UNC13C: variants seen among roughly 807,000 people sequenced by gnomAD.
UNC13C encodes the protein protein unc-13 homolog C.
UNC13C carries 174 observed loss-of-function variants against 245.4 expected under a neutral mutation model. The ratio of observed to expected loss-of-function variants is 0.71; its 90% CI spans 0.63 to 0.80. The LOEUF (loss-of-function observed/expected upper bound fraction) is 0.80. Ranked by LOEUF, UNC13C falls within the 30% of genes least tolerant of loss-of-function variation. The probability of loss-of-function intolerance (pLI) is 0.00; values close to 1 mark genes in which losing one functional copy is unlikely to be tolerated. For missense variants in UNC13C, 2,829 were observed against 2,602.9 expected, an observed-to-expected ratio of 1.09 and a Z score of -1.89; for synonymous variants, 992 against 895.1, an observed-to-expected ratio of 1.11 and a Z score of -1.93.
At chr15:53,873,402 G>A in the UNC13C span, among the ~76,000 whole-genome samples, 1 of 152,192 alleles carries the variant, frequency 6.6e-6, no homozygotes, top group African/African-American at 2.4e-5. Context: ...TCGCAAGATC[G>A]CTCAACTTGC....
intron 4 of UNC13C, among the ~76,000 whole-genome samples, chr15:54,165,358 A>C (rs2033127080): frequency 6.6e-6 from 1 of 152,306 alleles, no homozygotes; most frequent in Middle Eastern, 3.4e-3. Context: ...AACTGTTATA[A>C]GCGCTATGTG....
chr15:54,214,172 T>C (rs2034969398), intron 4 of UNC13C, among the ~76,000 whole-genome samples: 1 of 151,940 alleles, frequency 6.6e-6, no homozygotes, highest in Non-Finnish European at 1.5e-5. Context: ...TTCCATAATT[T>C]CTTTTAAAAT....
At chr15:54,181,859 G>A (rs936528339) in intron 4 of UNC13C, among the ~76,000 whole-genome samples, 10 of 151,876 alleles carry the variant, frequency 6.6e-5, no homozygotes. Flanking sequence ...GTATAGAAAT[G>A]CTACTATTTT....
intron 25 of UNC13C, among the ~76,000 whole-genome samples, chr15:54,528,440 G>A (rs1895586124): frequency 6.6e-6 from 1 of 151,798 alleles, no homozygotes; most frequent in African/African-American, 2.4e-5. Flanking sequence ...CTCCTTGGGT[G>A]CTCCGAAAAT....
upstream of UNC13C, among the ~76,000 whole-genome samples, chr15:53,976,477 C>CTTTTTTTTTTTTTTTT (rs10682648): frequency 9.2e-3 from 581 of 62,886 alleles, 91 homozygotes; most frequent in Non-Finnish European, 0.013. Flanking sequence ...CTCTCTCTCT[C>CTTTTTTTTTTTTTTTT]TTTTTTTTTT....
chr15:53,940,006 G>A, the UNC13C span, among the ~76,000 whole-genome samples: 21 of 152,090 alleles, frequency 1.4e-4, no homozygotes, highest in African/African-American at 4.8e-4. Flanking sequence ...GCAGCTAGAT[G>A]AAGGAACTTA....
the UNC13C span, among the ~76,000 whole-genome samples, chr15:53,841,603 A>G: frequency 1.3e-5 from 2 of 152,210 alleles, no homozygotes; most frequent in Non-Finnish European, 2.9e-5. Flanking sequence ...TTTTGAAGAA[A>G]TTATGGCATA....
At chr15:54,421,432 C>T (rs952415756) in intron 19 of UNC13C, among the ~76,000 whole-genome samples, 1 of 152,008 alleles carries the variant, frequency 6.6e-6, no homozygotes, top group African/African-American at 2.4e-5. Context: ...CCATGGACCC[C>T]AGGTTCAAAA....
intron 4 of UNC13C, among the ~76,000 whole-genome samples, chr15:54,219,047 C>T (rs920792749): frequency 3.3e-5 from 5 of 150,182 alleles, no homozygotes; most frequent in East Asian, 1.9e-4. Context: ...AGATTCAATG[C>T]CATCCCCATC....
At chr15:53,941,179 A>T in the UNC13C span, among the ~76,000 whole-genome samples, 1 of 152,166 alleles carries the variant, frequency 6.6e-6, no homozygotes, top group Non-Finnish European at 1.5e-5. Context: ...ATCTTTGACA[A>T]ACCTGGCAAA....
chr15:54,214,343 C>CT (rs2140759504), intron 4 of UNC13C, among the ~76,000 whole-genome samples: 1 of 151,932 alleles, frequency 6.6e-6, no homozygotes, highest in East Asian at 1.9e-4. Flanking sequence ...TTGGTACTGT[C>CT]TATCAAAGCT....
chr15:53,947,228 A>G, the UNC13C span, among the ~76,000 whole-genome samples: 21 of 152,336 alleles, frequency 1.4e-4, no homozygotes, highest in African/African-American at 5.1e-4. Flanking sequence ...AATAAGGCCT[A>G]AGAAAAAGCA....
intron 4 of UNC13C, among the ~76,000 whole-genome samples, chr15:54,146,222 A>G (rs1403396418): frequency 6.6e-6 from 1 of 152,180 alleles, no homozygotes; most frequent in Non-Finnish European, 1.5e-5. Flanking sequence ...CTATTATCCT[A>G]AAAAACTATG....
At chr15:54,287,750 A>G (rs908324756) in intron 10 of UNC13C, among the ~76,000 whole-genome samples, 3 of 152,148 alleles carry the variant, frequency 2.0e-5, no homozygotes, top group South Asian at 2.1e-4. Context: ...ATTGCATAAA[A>G]CTAAAAAAGG....
At chr15:54,460,883 T>C (rs1891809549) in intron 19 of UNC13C, among the ~76,000 whole-genome samples, 1 of 152,216 alleles carries the variant, frequency 6.6e-6, no homozygotes, top group Non-Finnish European at 1.5e-5. Flanking sequence ...AAGTCTAGAA[T>C]ATAGGAATAA....
chr15:54,098,064 G>C (rs10851552), intron 2 of UNC13C, among the ~76,000 whole-genome samples: 76,598 of 152,126 alleles, frequency 0.5, 21,246 homozygotes, highest in East Asian at 0.64. Context: ...AGTCATAGAA[G>C]ATTCAGTAGT....
At chr15:53,928,646 T>C in the UNC13C span, among the ~76,000 whole-genome samples, 1 of 152,226 alleles carries the variant, frequency 6.6e-6, no homozygotes, top group Admixed American at 6.5e-5. Context: ...ATATGTCTAC[T>C]TTGAGCTTTG....
intron 4 of UNC13C, among the ~76,000 whole-genome samples, chr15:54,190,505 T>G (rs1196073732): frequency 6.6e-6 from 1 of 152,066 alleles, no homozygotes. Flanking sequence ...AATAAACAAA[T>G]GATAGATTAT....
intron 30 of UNC13C, among the ~76,000 whole-genome samples, chr15:54,596,199 G>C (rs1325154476): frequency 1.3e-5 from 2 of 152,124 alleles, no homozygotes; most frequent in Non-Finnish European, 2.9e-5. Context: ...TTATCAGAAA[G>C]TTGTATTTTT....
Sources: allele counts gnomAD v4.1 joint callset (sites outside exome capture counted in the v4.1 genomes callset), GRCh38; gene constraint gnomAD v4.1.1; transcripts MANE v1.5; gene names NCBI Gene and HGNC (gene_info 2026-07-23, HGNC 2026-07-21).